PCDHA12: variants seen among roughly 807,000 people sequenced by gnomAD.
The protein encoded by PCDHA12 is protocadherin alpha 12, also known as protocadherin alpha-12.
A neutral mutation model predicts 60.0 loss-of-function variants in PCDHA12; 44 were observed. The observed-to-expected ratio is 0.73, with a 90% CI of 0.58 to 0.94. The LOEUF (loss-of-function observed/expected upper bound fraction) is 0.94. Among genes scored for constraint, PCDHA12 ranks in the 40% least tolerant of loss-of-function variants. The pLI, the probability that PCDHA12 is intolerant of heterozygous loss-of-function variation, is 0.00. For synonymous variants in PCDHA12, 569 were observed against 553.0 expected (o/e 1.03, Z -0.40); for missense variants, 1,276 against 1,239.7 (o/e 1.03, Z -0.44).
intron 1 of PCDHA12, among the ~76,000 whole-genome samples, chr5:140,964,997 T>C (rs144251011): frequency 3.9e-5 from 6 of 152,316 alleles, no homozygotes; most frequent in African/African-American, 1.4e-4. Context: ...CTTTGAATTC[T>C]GGGTGTCAGG....
intron 1 of PCDHA12, among the ~76,000 whole-genome samples, chr5:140,880,084 T>C (rs1554171167): frequency 6.6e-6 from 1 of 152,208 alleles, no homozygotes. Context: ...CAACCTATTA[T>C]AGTAGGCTTA....
Position 140,876,792 on chromosome 5 carries a change from A to C in PCDHA12, c.1320A>C (p.Arg440Ser). The stretch of plus-strand genomic sequence containing the variant: ...CGCCTTCGCTGTGGGCCACGGCTAG[A>C]GTGTCCGTGGAGGTGGCCGACGTGA... The part of the protein sequence containing the change: ...GGSPSLWATA[R>S]VSVEVADVND... The change falls in exon 1 of 4, where the codon AGA (arginine) becomes AGC (serine). Residue 440 changes from arginine (R) to serine (S), a missense_variant. By Grantham distance (110) the Arg-to-Ser change is moderately radical (BLOSUM62 -1). Coordinates refer to ENST00000398631, the MANE Select transcript of PCDHA12 (RefSeq NM_018903.4). 1 of 1,614,116 alleles carries C rather than the reference A, an allele frequency of 6.2e-7. No homozygotes were observed. The highest frequency in any genetic ancestry group is 2.2e-5 in the East Asian group (1 of 44,860).
intron 3 of PCDHA12, among the ~76,000 whole-genome samples, chr5:141,007,858 G>A (rs376865557): frequency 6.6e-6 from 1 of 152,116 alleles, no homozygotes; most frequent in African/African-American, 2.4e-5. Context: ...GTCCTTAAAG[G>A]TCTTTTCCTT....
At chr5:140,883,957 G>T (rs879988838) in intron 1 of PCDHA12, 1 of 1,613,246 alleles carries the variant, frequency 6.2e-7, no homozygotes, top group Non-Finnish European at 8.5e-7. Context: ...ACAACGCTCC[G>T]GCGCTGCTGA....
intron 1 of PCDHA12, among the ~76,000 whole-genome samples, chr5:140,936,658 G>A (rs1385566642): frequency 6.6e-6 from 1 of 152,174 alleles, no homozygotes; most frequent in Non-Finnish European, 1.5e-5. Context: ...TATATATTCT[G>A]TTTCTGGACT....
chr5:140,882,480 A>T, intron 1 of PCDHA12: 1 of 1,614,020 alleles, frequency 6.2e-7, no homozygotes, highest in Non-Finnish European at 8.5e-7. Flanking sequence ...TCCAAAAGAC[A>T]CGGGGACCTT....
At chr5:141,003,668 A>G (rs1353003376) in intron 3 of PCDHA12, among the ~76,000 whole-genome samples, 1 of 152,196 alleles carries the variant, frequency 6.6e-6, no homozygotes, top group Non-Finnish European at 1.5e-5. Context: ...ATTAAAATAT[A>G]TGTTGTTCTG....
rs782681619 is a variant in PCDHA12, at chr5:141,009,600, A to G, written c.2516-27A>G. On this transcript the variant is annotated intron_variant, in intron 3 of 3. Coordinates refer to ENST00000398631, the MANE Select transcript of PCDHA12 (RefSeq NM_018903.4). ...ATCAAGAGCATGTGTTGACCCTGTT[A>G]ATGATTTGTAATGTTTTGTCTTTCA... The G allele has an allele frequency of 1.9e-6, 3 of 1,607,002 alleles. No individual in the cohort carries two copies. In the Admixed American group the frequency reaches 5.0e-5, roughly 27 times the overall value.
chr5:140,985,389 C>T (rs1376347712), intron 3 of PCDHA12, among the ~76,000 whole-genome samples: 1 of 152,266 alleles, frequency 6.6e-6, no homozygotes, highest in African/African-American at 2.4e-5. Context: ...AATCCAGTCA[C>T]CCCAACTGTT....
chr5:141,002,555 A>C (rs1349538713), intron 3 of PCDHA12, among the ~76,000 whole-genome samples: 1 of 152,222 alleles, frequency 6.6e-6, no homozygotes, highest in Admixed American at 6.5e-5. Context: ...CCCAGGATCC[A>C]CCAGTTAGTG....
At chr5:140,968,133 A>C in intron 1 of PCDHA12, 6 of 1,614,140 alleles carry the variant, frequency 3.7e-6, no homozygotes, top group Non-Finnish European at 5.1e-6. Context: ...CGTACACTGA[A>C]GGTTGAGATC....
intron 1 of PCDHA12, chr5:140,967,260 C>G: frequency 6.2e-7 from 1 of 1,613,500 alleles, no homozygotes; most frequent in Non-Finnish European, 8.5e-7. Flanking sequence ...GCGCCTGGAG[C>G]GCGCTTTCAC....
At chr5:140,902,102 G>A (rs1407664200) in intron 1 of PCDHA12, among the ~76,000 whole-genome samples, 1 of 151,098 alleles carries the variant, frequency 6.6e-6, no homozygotes, top group African/African-American at 2.4e-5. Context: ...GGAGTCTTTA[G>A]ATTTTTTTAA....
intron 1 of PCDHA12, chr5:140,967,005 A>G: frequency 1.2e-6 from 2 of 1,605,512 alleles, no homozygotes; most frequent in African/African-American, 1.3e-5. Flanking sequence ...TTGCGCATCA[A>G]CCATCTGGGT....
intron 1 of PCDHA12, among the ~76,000 whole-genome samples, chr5:140,947,620 T>C (rs1554218262): frequency 6.6e-6 from 1 of 151,706 alleles, no homozygotes; most frequent in African/African-American, 2.4e-5. Flanking sequence ...CTTAACAATA[T>C]TGAGTCATCA....
rs1447542979 is a variant in PCDHA12 at position 140,875,553 on chromosome 5, G to A, written c.81G>A (p.Gly27=). 2.5e-6 allele frequency: 4 copies of A among 1,614,000 alleles called. No individual in the cohort carries two copies. Among genetic ancestry groups the A allele is most frequent in the African/African-American group, 2.7e-5 (2 of 74,914 alleles). ...SLLLLAAWEV[G]SGQLHYSVYE... ...TGCTCCTTGCAGCCTGGGAGGTGGG[G>A]AGCGGCCAGCTCCACTACTCCGTCT... Residue 27 remains glycine, a synonymous_variant, in exon 1 of 4, where the codon GGG becomes GGA. Transcript: ENST00000398631.
intron 1 of PCDHA12, among the ~76,000 whole-genome samples, chr5:140,955,285 G>T (rs2095164466): frequency 6.6e-6 from 1 of 151,896 alleles, no homozygotes; most frequent in Non-Finnish European, 1.5e-5. Context: ...ATATTGATAT[G>T]GTTTGGCTGT....
chr5:140,988,381 T>C (rs1554250091), intron 3 of PCDHA12, among the ~76,000 whole-genome samples: 3 of 152,158 alleles, frequency 2.0e-5, no homozygotes, highest in Admixed American at 6.5e-5. Flanking sequence ...GTGAAACTCA[T>C]TGTGTTTGCC....
intron 3 of PCDHA12, among the ~76,000 whole-genome samples, chr5:140,989,765 C>T (rs2097359812): frequency 6.6e-6 from 1 of 152,166 alleles, no homozygotes; most frequent in South Asian, 2.1e-4. Context: ...ATATTCAGTT[C>T]AAGCACTGGC....
Sources: gnomAD v4.1 joint callset for allele counts (sites outside exome capture counted in the v4.1 genomes callset) on GRCh38, gnomAD v4.1.1 for gene constraint, MANE v1.5 for transcripts, NCBI Gene and HGNC (gene_info 2026-07-23, HGNC 2026-07-21) for gene names.